Variants in HEBP2 observed in about 807,000 individuals in gnomAD.
HEBP2 encodes the protein heme-binding protein 2.
HEBP2 carries 27 observed loss-of-function variants against 23.1 expected under a neutral mutation model. That is an observed-to-expected ratio of 1.17 (90% CI 0.86 to 1.61). The LOEUF is 1.61. HEBP2 is among the 40% of genes most tolerant of loss of function. The probability of loss-of-function intolerance (pLI) is 0.00; values close to 1 mark genes in which losing one functional copy is unlikely to be tolerated. For missense variants in HEBP2, 245 were observed against 253.8 expected (o/e 0.97, Z 0.24); for synonymous variants, 99 against 95.1 (o/e 1.04, Z -0.24).
rs759399274 is a variant in HEBP2, at chr6:138,413,041, T to TG, written c.582dup (p.Ile195AspfsTer5). On this transcript the variant is annotated frameshift_variant, in exon 4 of 4. Transcript: ENST00000607197. LOFTEE classifies it high-confidence loss of function. ...CTTAATAGAAATAATGAAGTGTGGTTGATTCAAAAAAATGAACCCACCAAA... is the reference window on the plus strand; with the variant it reads ...CTTAATAGAAATAATGAAGTGTGGTTGGATTCAAAAAAATGAACCCACCAAA... 2 of 1,613,914 alleles carry TG rather than the reference T, an allele frequency of 1.2e-6. No individual in the cohort carries two copies. The highest frequency in any genetic ancestry group is 4.5e-5 in the East Asian group (2 of 44,878).
chr6:138,403,667 A>G, upstream of HEBP2: 1 of 424,466 alleles, frequency 2.4e-6, no homozygotes, highest in Non-Finnish European at 4.2e-6. Context: ...TGGGGAACAG[A>G]GCCGCACCCC....
At position 138,415,700 on chromosome 6, in the gene HEBP2, A is replaced by G. The variant is rs1774830882; in HGVS notation, c.*2622A>G. 6.6e-6 allele frequency: 1 copy of G among 152,240 alleles called. No homozygotes were observed. 9.4% of individuals were successfully genotyped at this position (152,240 alleles called of 1,614,324 possible). A position where few individuals can be genotyped will look rare whatever the true frequency, so the allele number is the denominator to read the frequency against. On this transcript the variant is annotated 3_prime_UTR_variant, in exon 4 of 4. Transcript: ENST00000607197. ...GGATTTGATGGTAAAAGTAGCTAAC[A>G]GCCAACAAATACTCAACCAAGCCAG...
chr6:138,405,072 G>T, intron 1 of HEBP2, 73 bp from the exon 2 acceptor site: 2 of 1,533,798 alleles, frequency 1.3e-6, no homozygotes, highest in South Asian at 2.4e-5. Flanking sequence ...CCGAGATCAT[G>T]GCACCGGTAT....
At position 138,416,337 on chromosome 6, in the gene HEBP2, C is replaced by G. The variant is rs1399632763; in HGVS notation, c.*3259C>G. ...GAAATGCCTGAATGGCTGGGACAAA[C>G]AATAGAGAAAGGAATGAGAAGGCTC... is the stretch of plus-strand genomic sequence containing the variant. On this transcript the variant is annotated 3_prime_UTR_variant, in exon 4 of 4. Transcript: ENST00000607197. The G allele has an allele frequency of 6.6e-6, 1 of 152,230 alleles. No individual in the cohort carries two copies. Among genetic ancestry groups the G allele is most frequent in the Non-Finnish European group, 1.5e-5 (1 of 68,148 alleles). The allele number at this position is 152,230 out of a possible 1,614,324, so 9.4% of individuals were successfully genotyped here. A position where few individuals can be genotyped will look rare whatever the true frequency, so the allele number is the denominator to read the frequency against.
chr6:138,408,233 T>C (rs1774683216), intron 3 of HEBP2, among the ~76,000 whole-genome samples: 1 of 152,232 alleles, frequency 6.6e-6, no homozygotes, highest in South Asian at 2.1e-4. Flanking sequence ...TTCCAGATGT[T>C]TAAGTTCTGC....
intron 1 of HEBP2, 77 bp from the exon 2 acceptor site, chr6:138,405,068 T>G (rs1405494453): frequency 6.6e-7 from 1 of 1,522,804 alleles, no homozygotes; most frequent in Non-Finnish European, 9.0e-7. Flanking sequence ...CGACCCGAGA[T>G]CATGGCACCG....
Position 138,413,156 on chromosome 6 carries a change from T to C in HEBP2, c.*78T>C. Reference sequence around the variant, plus strand: ...ACATCAACATGACCTATAAGTAAAGTGCGTGTCTAGTGTCTTCTATTGAGA... The same window carrying C: ...ACATCAACATGACCTATAAGTAAAGCGCGTGTCTAGTGTCTTCTATTGAGA... On this transcript the variant is annotated 3_prime_UTR_variant, in exon 4 of 4. Coordinates refer to ENST00000607197, the MANE Select transcript of HEBP2 (RefSeq NM_014320.3). The C allele has an allele frequency of 2.7e-6, 3 of 1,105,476 alleles. No individual in the cohort carries two copies. In the South Asian group the frequency reaches 4.0e-5, roughly 15 times the overall value. The allele number at this position is 1,105,476 out of a possible 1,614,324, so 68.5% of individuals were successfully genotyped here. A position where few individuals can be genotyped will look rare whatever the true frequency, so the allele number is the denominator to read the frequency against.
chr6:138,408,193 A>G (rs961759401), intron 3 of HEBP2, among the ~76,000 whole-genome samples: 2 of 152,044 alleles, frequency 1.3e-5, no homozygotes, highest in African/African-American at 4.8e-5. Flanking sequence ...AAGCTTTCTC[A>G]TTTCTTTTAA....
At chr6:138,404,672 AGAGTT>A in intron 1 of HEBP2, 75 bp downstream of exon 1, 1 of 952,846 alleles carries the variant, frequency 1.0e-6, no homozygotes, top group Non-Finnish European at 1.4e-6. Context: ...CGGGTCCCAT[AGAGTT>A]AAGTAAAAAG....
Position 138,413,526 on chromosome 6 carries a change from G to T in HEBP2, c.*448G>T, listed in dbSNP as rs2114774806. ...GGACACAAAAATCAAATTGTCTTTT[G>T]TGGCTGCCACCATTACATTCTCTGT... On this transcript the variant is annotated 3_prime_UTR_variant, in exon 4 of 4. Coordinates refer to ENST00000607197, the MANE Select transcript of HEBP2 (RefSeq NM_014320.3). 1 of 162,752 alleles carries T rather than the reference G, an allele frequency of 6.1e-6. No individual in the cohort carries two copies. 10.1% of individuals were successfully genotyped at this position (162,752 alleles called of 1,614,324 possible).
At position 138,421,112 on chromosome 6, in the gene HEBP2, C is replaced by T. The variant is rs7776384; in HGVS notation, c.*8034C>T. On this transcript the variant is annotated 3_prime_UTR_variant, in exon 4 of 4. Coordinates refer to ENST00000607197, the MANE Select transcript of HEBP2 (RefSeq NM_014320.3). ...CCGAGTGGCTTATTAAGGAAAGTGGCGCAACAATCAGGTCCATGTTTCATT... is the reference window on the plus strand; with the variant it reads ...CCGAGTGGCTTATTAAGGAAAGTGGTGCAACAATCAGGTCCATGTTTCATT... The T allele has an allele frequency of 0.6, 91,607 of 152,030 alleles. 29,291 individuals are homozygous for T. The highest frequency in any genetic ancestry group is 0.9 in the East Asian group (4,637 of 5,164). 9.4% of individuals were successfully genotyped at this position (152,030 alleles called of 1,614,324 possible).
rs183589693 is a variant in HEBP2, at chr6:138,418,562, A to G, written c.*5484A>G. 8 of 152,446 alleles carry G rather than the reference A, an allele frequency of 5.2e-5. No homozygotes were observed. 9.4% of individuals were successfully genotyped at this position (152,446 alleles called of 1,614,324 possible). ...ATTGGAAGATGGAAATGATATGTACAGGAGCAGTTCCAAGCCAGACCAGAG... is the reference window on the plus strand; with the variant it reads ...ATTGGAAGATGGAAATGATATGTACGGGAGCAGTTCCAAGCCAGACCAGAG... On this transcript the variant is annotated 3_prime_UTR_variant, in exon 4 of 4. Coordinates refer to ENST00000607197, the MANE Select transcript of HEBP2 (RefSeq NM_014320.3).
chr6:138,403,783 G>C (rs1774579368), upstream of HEBP2: 1 of 403,060 alleles, frequency 2.5e-6, no homozygotes, highest in East Asian at 3.6e-5. Flanking sequence ...GGATGACTCA[G>C]AGGGTCTGGG....
Position 138,420,830 on chromosome 6 carries a change from G to A in HEBP2, c.*7752G>A, listed in dbSNP as rs1774912955. ...TGCTTACTCCAATAATAAATCCTTT[G>A]GTATTCTAACTGTCTACTTCTTGAA... On this transcript the variant is annotated 3_prime_UTR_variant, in exon 4 of 4. Coordinates refer to ENST00000607197, the MANE Select transcript of HEBP2 (RefSeq NM_014320.3). 4 of 152,098 alleles carry A rather than the reference G, an allele frequency of 2.6e-5. No individual in the cohort carries two copies. The highest frequency in any genetic ancestry group is 2.6e-4 in the Admixed American group (4 of 15,252). 9.4% of individuals were successfully genotyped at this position (152,098 alleles called of 1,614,324 possible). A position where few individuals can be genotyped will look rare whatever the true frequency, so the allele number is the denominator to read the frequency against.
At position 138,420,076 on chromosome 6, in the gene HEBP2, T is replaced by TA. The variant is rs1192279850; in HGVS notation, c.*6999dup. 5.9e-5 allele frequency: 9 copies of TA among 152,386 alleles called. No individual in the cohort carries two copies. The highest frequency in any genetic ancestry group is 2.2e-4 in the African/African-American group (9 of 41,568). 9.4% of individuals were successfully genotyped at this position (152,386 alleles called of 1,614,324 possible). On this transcript the variant is annotated 3_prime_UTR_variant, in exon 4 of 4. Transcript: ENST00000607197. ...GCGGACCCACTGGAGGCACCCTCTGTACTCCTTGCCCAGTTGTAACTGAAT... is the reference window on the plus strand; with the variant it reads ...GCGGACCCACTGGAGGCACCCTCTGTAACTCCTTGCCCAGTTGTAACTGAAT...
intron 3 of HEBP2, among the ~76,000 whole-genome samples, chr6:138,407,531 C>G (rs1174385364): frequency 6.6e-6 from 1 of 152,246 alleles, no homozygotes; most frequent in Admixed American, 6.5e-5. Context: ...TTTGGATGGC[C>G]CAACCCCACT....
At chr6:138,403,689 G>A (rs1199151104), upstream of HEBP2, 1 of 416,056 alleles carries the variant, frequency 2.4e-6, no homozygotes, top group Non-Finnish European at 4.3e-6. Context: ...CTCGGCTCGG[G>A]AAAGCCCTGG....
Position 138,404,530 on chromosome 6 carries a change from C to T in HEBP2, c.35C>T (p.Ala12Val). The T allele has an allele frequency of 7.7e-7, 1 of 1,303,608 alleles. No homozygotes were observed. The highest frequency in any genetic ancestry group is 2.2e-5 in the South Asian group (1 of 46,056). The allele number at this position is 1,303,608 out of a possible 1,614,324, so 80.8% of individuals were successfully genotyped here. A position where few individuals can be genotyped will look rare whatever the true frequency, so the allele number is the denominator to read the frequency against. Reference sequence around the variant, plus strand: ...CCGCTCCAGCCAGACCCCGGGGCGGCCGAGGACGCGGCGGCCCAAGCTGTG... The same window carrying T: ...CCGCTCCAGCCAGACCCCGGGGCGGTCGAGGACGCGGCGGCCCAAGCTGTG... ...AEPLQPDPGA[A>V]EDAAAQAVET... is the part of the protein sequence containing the mutation. The change falls in exon 1 of 4, where the codon GCC (alanine) becomes GTC (valine). Residue 12 changes from alanine (A) to valine (V), a missense_variant. Transcript: ENST00000607197.
At chr6:138,404,811 G>T (rs1250494922) in intron 1 of HEBP2, among the ~76,000 whole-genome samples, 2 of 152,168 alleles carry the variant, frequency 1.3e-5, no homozygotes, top group African/African-American at 2.4e-5. Flanking sequence ...TTGTCTTTGC[G>T]GGGTGGTGGG....
Sources: allele counts gnomAD v4.1 joint callset (sites outside exome capture counted in the v4.1 genomes callset), GRCh38; gene constraint gnomAD v4.1.1; transcripts MANE v1.5; gene names NCBI Gene and HGNC (gene_info 2026-07-23, HGNC 2026-07-21).